The following SGPL1 variants were observed in gnomAD, a reference collection of about 807,000 sequenced individuals.
The protein encoded by SGPL1 is sphingosine-1-phosphate lyase 1.
Under a neutral mutation model 68.9 loss-of-function variants are expected in SGPL1, and 37 were observed. That is an observed-to-expected ratio of 0.54 (90% CI 0.41 to 0.71). The LOEUF (loss-of-function observed/expected upper bound fraction) is 0.71, where lower values mean the gene tolerates loss of function less well. Among genes scored for constraint, SGPL1 ranks in the 30% least tolerant of loss-of-function variants. SGPL1 has a pLI of 0.00. For missense variants in SGPL1, 551 were observed against 704.6 expected, an observed-to-expected ratio of 0.78 and a Z score of 2.47; for synonymous variants, 236 against 248.5, an observed-to-expected ratio of 0.95 and a Z score of 0.47.
At position 70,881,089 on chromosome 10, in the gene SGPL1, T is replaced by C. The variant is rs1846486513; in HGVS notation, c.*3754T>C. The C allele has an allele frequency of 6.6e-6, 1 of 152,218 alleles. No individual in the cohort carries two copies. The highest frequency in any genetic ancestry group is 2.4e-5 in the African/African-American group (1 of 41,456). The allele number at this position is 152,218 out of a possible 1,614,324, so 9.4% of individuals were successfully genotyped here. A position where few individuals can be genotyped will look rare whatever the true frequency, so the allele number is the denominator to read the frequency against. On this transcript the variant is annotated 3_prime_UTR_variant, in exon 15 of 15. Transcript: ENST00000373202. ...CCTTATTTTCTTTTATGCTTTCCTC[T>C]GTCTTGTAATCTTTTCTCTTCTTAA...
At chr10:70,859,588 TAAA>T in intron 7 of SGPL1, 89 bp downstream of exon 7, 1 of 600,722 alleles carries the variant, frequency 1.7e-6, no homozygotes, top group Non-Finnish European at 2.2e-6. Flanking sequence ...TTTTAAAAAA[TAAA>T]AAATATTAAA....
At chr10:70,823,358 A>G (rs1227080244) in intron 2 of SGPL1, among the ~76,000 whole-genome samples, 1 of 151,872 alleles carries the variant, frequency 6.6e-6, no homozygotes, top group Non-Finnish European at 1.5e-5. Context: ...ATAGTGAACA[A>G]CCTTAACTTT....
intron 14 of SGPL1, among the ~76,000 whole-genome samples, chr10:70,876,968 T>C (rs1051588405): frequency 6.6e-6 from 1 of 152,236 alleles, no homozygotes; most frequent in African/African-American, 2.4e-5. Context: ...TTCTGGAATT[T>C]TCTTAGGCTA....
At chr10:70,857,739 C>A in intron 6 of SGPL1, 49 bp downstream of exon 6, 1 of 1,216,032 alleles carries the variant, frequency 8.2e-7, no homozygotes, top group East Asian at 2.5e-5. Flanking sequence ...TGCCAGTTTA[C>A]ATGACCTCCT....
chr10:70,826,287 A>T (rs556454678), intron 2 of SGPL1, among the ~76,000 whole-genome samples: 1 of 152,208 alleles, frequency 6.6e-6, no homozygotes, highest in African/African-American at 2.4e-5. Context: ...GTACAATTCC[A>T]TTCCATTCCA....
chr10:70,875,148 AT>A (rs1256500484), intron 12 of SGPL1, among the ~76,000 whole-genome samples: 1 of 152,190 alleles, frequency 6.6e-6, no homozygotes, highest in African/African-American at 2.4e-5. Context: ...GAAGTCAGTG[AT>A]TGAGTCATTA....
In SGPL1 at chr10:70,871,233, ATTT is replaced by A. The variant is rs3215323; in HGVS notation, c.909+95_909+97del. The A allele has an allele frequency of 5.9e-5, 47 of 796,886 alleles. No homozygotes were observed. The African/African-American group carries it at 6.9e-4, about 12-fold the overall frequency. 49.4% of individuals were successfully genotyped at this position (796,886 alleles called of 1,614,324 possible). Reference sequence around the variant, plus strand: ...GGGCAGTACTTGGCAAATAGAAGCGATTTTTTTTTTGTTTTTGACCACAGTAGT... The same window carrying A: ...GGGCAGTACTTGGCAAATAGAAGCGATTTTTTTGTTTTTGACCACAGTAGT... On this transcript the variant is annotated intron_variant, in intron 10 of 14. Transcript: ENST00000373202.
intron 12 of SGPL1, 80 bp downstream of exon 12, chr10:70,873,669 A>G (rs1263818636): frequency 2.9e-6 from 3 of 1,050,882 alleles, no homozygotes; most frequent in Admixed American, 1.7e-5. Flanking sequence ...CTGGCTAAGT[A>G]TCCATAGCCC....
chr10:70,869,615 T>C (rs1846252389), intron 8 of SGPL1, among the ~76,000 whole-genome samples, 177 bp from the exon 9 acceptor site: 1 of 152,148 alleles, frequency 6.6e-6, no homozygotes, highest in East Asian at 1.9e-4. Flanking sequence ...CTGCAGAAAA[T>C]CAGTTGGCCT....
chr10:70,834,418 A>G (rs1371565198), intron 2 of SGPL1, among the ~76,000 whole-genome samples: 1 of 152,168 alleles, frequency 6.6e-6, no homozygotes, highest in East Asian at 1.9e-4. Context: ...CTGTGGCCTC[A>G]GTTTCTTCAT....
chr10:70,875,359 C>A, intron 12 of SGPL1, 43 bp from the exon 13 acceptor site: 2 of 1,337,314 alleles, frequency 1.5e-6, no homozygotes, highest in Non-Finnish European at 2.1e-6. Flanking sequence ...TTGTATGTGA[C>A]TGAATTTACT....
intron 6 of SGPL1, 89 bp downstream of exon 6, chr10:70,857,779 A>G: frequency 1.2e-6 from 1 of 800,108 alleles, no homozygotes; most frequent in East Asian, 2.8e-5. Context: ...AATTAGAAAA[A>G]TTACTTAAGG....
intron 7 of SGPL1, among the ~76,000 whole-genome samples, chr10:70,862,089 G>C (rs546425563): frequency 6.6e-6 from 1 of 152,244 alleles, no homozygotes; most frequent in Non-Finnish European, 1.5e-5. Flanking sequence ...CGCAGCCCCG[G>C]TGCGGGATCC....
chr10:70,858,630 A>G (rs75249630), intron 6 of SGPL1, among the ~76,000 whole-genome samples: 1,836 of 152,330 alleles, frequency 0.012, 14 homozygotes, highest in Non-Finnish European at 0.021. Context: ...CCCATTATCT[A>G]CAGGATGAAA....
rs531169424 is a variant in SGPL1 at position 70,836,073 on chromosome 10, C to G, written c.28-8400C>G. On this transcript the variant is annotated intron_variant, in intron 2 of 14. Coordinates refer to ENST00000373202, the MANE Select transcript of SGPL1 (RefSeq NM_003901.4). ...TCACTTAGCACTGTGCAGTAATCCA[C>G]TGAGCAAAATTGCCACATTTTCCTT... Among the ~76,000 whole-genome samples, 95 of 152,346 alleles carry G rather than the reference C, an allele frequency of 6.2e-4. 5 individuals are homozygous for G. In the South Asian group the frequency reaches 0.019, roughly 30 times the overall value.
intron 4 of SGPL1, among the ~76,000 whole-genome samples, chr10:70,853,415 A>G (rs1377240211): frequency 6.6e-6 from 1 of 152,190 alleles, no homozygotes; most frequent in Admixed American, 6.5e-5. Context: ...AAATCGTGAC[A>G]TGTAGCTTCT....
In SGPL1 at chr10:70,854,825, T is replaced by G; in HGVS notation, c.379T>G (p.Leu127Val). 6.2e-7 allele frequency: 1 copy of G among 1,612,984 alleles called. No homozygotes were observed. The highest frequency in any genetic ancestry group is 2.2e-5 in the East Asian group (1 of 44,864). ...PSQGLSSSAVLEKLKEYSSMD... is the reference protein window; with the variant it reads ...PSQGLSSSAVVEKLKEYSSMD... ...CCAGGGTCTGAGCTCATCTGCTGTT[T>G]TGGAGAAACTTAAGGAGTACAGCTC... Residue 127 changes from leucine (L) to valine (V), a missense_variant, in exon 5 of 15, where the codon TTG (leucine) becomes GTG (valine). Coordinates refer to ENST00000373202, the MANE Select transcript of SGPL1 (RefSeq NM_003901.4).
At chr10:70,840,084 A>G (rs1266077641) in intron 2 of SGPL1, among the ~76,000 whole-genome samples, 1 of 152,132 alleles carries the variant, frequency 6.6e-6, no homozygotes, top group African/African-American at 2.4e-5. Context: ...CCATGTATCC[A>G]GGGTAGATCC....
At chr10:70,839,918 CAAA>C (rs898761996) in intron 2 of SGPL1, among the ~76,000 whole-genome samples, 2 of 139,022 alleles carry the variant, frequency 1.4e-5, no homozygotes, top group African/African-American at 5.3e-5. Flanking sequence ...ATAAAAATTG[CAAA>C]AAAAAAAAGT....
Sources: allele counts gnomAD v4.1 joint callset (sites outside exome capture counted in the v4.1 genomes callset), GRCh38; gene constraint gnomAD v4.1.1; transcripts MANE v1.5; gene names NCBI Gene and HGNC (gene_info 2026-07-23, HGNC 2026-07-21).